Variants in MGAT5B observed in about 807,000 individuals in gnomAD.
The protein encoded by MGAT5B is alpha-1,6-mannosylglycoprotein 6-beta-N-acetylglucosaminyltransferase B.
In MGAT5B, 54 loss-of-function variants were observed where a neutral mutation model predicts 95.1. That is an observed-to-expected ratio of 0.57 (90% CI 0.46 to 0.71). The LOEUF is 0.71. MGAT5B is among the 30% of genes least tolerant of loss of function. The pLI is 0.00. For missense variants in MGAT5B, 935 were observed against 1,088.6 expected (o/e 0.86, Z 1.99); for synonymous variants, 464 against 451.0 (o/e 1.03, Z -0.36).
At position 76,880,355 on chromosome 17, in the gene MGAT5B, C is replaced by T. The variant is rs532081204; in HGVS notation, c.182-1796C>T. Among the ~76,000 whole-genome samples, 13 of 152,300 alleles carry T rather than the reference C, an allele frequency of 8.5e-5. No individual in the cohort carries two copies. The East Asian group carries it at 1.4e-3, about 16-fold the overall frequency. The stretch of plus-strand genomic sequence containing the variant: ...CTGTGGCCTCCCTTCTGACCTCAGG[C>T]GGGTTCACCTGGCAGGGGAGCCCAG... On this transcript the variant is annotated intron_variant, in intron 2 of 17. Coordinates refer to ENST00000569840, the MANE Select transcript of MGAT5B (RefSeq NM_001199172.2).
At chr17:76,885,198 C>T (rs1967578458) in intron 3 of MGAT5B, among the ~76,000 whole-genome samples, 1 of 152,172 alleles carries the variant, frequency 6.6e-6, no homozygotes, top group African/African-American at 2.4e-5. Context: ...AGGCCGTTTT[C>T]CTCTCTGTGT....
At position 76,905,083 on chromosome 17, in the gene MGAT5B, G is replaced by A; in HGVS notation, c.691-86G>A. ...TGGAGCAGGCCCCAGCCTCATGGGAGGGTGCCAGCCCCTGTCCCCAGGCCA... is the reference window on the plus strand; with the variant it reads ...TGGAGCAGGCCCCAGCCTCATGGGAAGGTGCCAGCCCCTGTCCCCAGGCCA... On this transcript the variant is annotated intron_variant, in intron 6 of 17. Coordinates refer to ENST00000569840, the MANE Select transcript of MGAT5B (RefSeq NM_001199172.2). The surrounding 1 kb of genome is among the most constrained non-coding windows in gnomAD (Gnocchi z 4.2). The A allele has an allele frequency of 7.1e-7, 1 of 1,404,326 alleles. No homozygotes were observed. The highest frequency in any genetic ancestry group is 9.6e-7 in the Non-Finnish European group (1 of 1,044,868). The allele number at this position is 1,404,326 out of a possible 1,614,324, so 87.0% of individuals were successfully genotyped here.
At chr17:76,875,630 G>T (rs957187578) in intron 2 of MGAT5B, among the ~76,000 whole-genome samples, 1 of 126,430 alleles carries the variant, frequency 7.9e-6, no homozygotes, top group Admixed American at 8.7e-5. Context: ...TCACTATCTT[G>T]TATGCGGTTG....
At chr17:76,884,820 T>C (rs1450020371) in intron 3 of MGAT5B, among the ~76,000 whole-genome samples, 2 of 152,150 alleles carry the variant, frequency 1.3e-5, no homozygotes, top group East Asian at 3.9e-4. Context: ...GCCAGGATGG[T>C]CTTGATCTCT....
chr17:76,894,999 G>A (rs1347119956), intron 3 of MGAT5B, among the ~76,000 whole-genome samples: 1 of 152,186 alleles, frequency 6.6e-6, no homozygotes, highest in African/African-American at 2.4e-5. Flanking sequence ...TCCATGGTCT[G>A]TTAGGAACCT....
intron 15 of MGAT5B, among the ~76,000 whole-genome samples, chr17:76,942,771 G>A (rs184597077): frequency 1.0e-3 from 159 of 152,264 alleles, no homozygotes; most frequent in African/African-American, 3.6e-3. Context: ...GCAACAAGGC[G>A]TACAGGTAGG....
chr17:76,946,015 A>C (rs1970015237), intron 15 of MGAT5B, among the ~76,000 whole-genome samples: 1 of 142,060 alleles, frequency 7.0e-6, no homozygotes, highest in Non-Finnish European at 1.5e-5. Context: ...AGCTCCCTGG[A>C]GCAGGTGATG....
intron 3 of MGAT5B, among the ~76,000 whole-genome samples, chr17:76,898,471 GGC>G (rs879360357): frequency 0.13 from 19,363 of 151,588 alleles, 1,606 homozygotes; most frequent in African/African-American, 0.2. Flanking sequence ...TGGGATTACA[GGC>G]GCGCACCACC....
Position 76,948,773 on chromosome 17 carries a change from C to T in MGAT5B, c.2314C>T (p.Arg772Cys), listed in dbSNP as rs1182130336. 6 of 1,609,738 alleles carry T rather than the reference C, an allele frequency of 3.7e-6. No individual in the cohort carries two copies. The highest frequency in any genetic ancestry group is 2.2e-5 in the East Asian group (1 of 44,712). Residue 772 changes from arginine to cysteine, a missense_variant, in exon 18 of 18, where the codon CGC becomes TGC. This residue lies in a region of MGAT5B where 440 missense variants were observed against 523.6 expected (regional missense o/e 0.84). Transcript: ENST00000569840. ...CTGCGCCGGCTCCAACACCAAGTAC[C>T]GCCGGCTCTGCCCCTGCCGCGACTT... ...FSCAGSNTKYRRLCPCRDFRK... is the reference protein window; with the variant it reads ...FSCAGSNTKYCRLCPCRDFRK...
At chr17:76,871,383 G>A (rs1218207666) in intron 1 of MGAT5B, among the ~76,000 whole-genome samples, 2 of 152,174 alleles carry the variant, frequency 1.3e-5, no homozygotes, top group African/African-American at 4.8e-5. Context: ...CTTGCCTACT[G>A]AATCATGTCT....
Position 76,915,135 on chromosome 17 carries a change from G to C in MGAT5B, c.1025+8948G>C, listed in dbSNP as rs142739948. On this transcript the variant is annotated intron_variant, in intron 8 of 17. Coordinates refer to ENST00000569840, the MANE Select transcript of MGAT5B (RefSeq NM_001199172.2). This position sits in a 1 kb window ranked among gnomAD's most constrained non-coding sequence, Gnocchi z 8.7. ...AAAGGTGTGCTTGTTTATTTTTCGA[G>C]ATAAGAGAGTGCACTCATGTTTAAA... Among the ~76,000 whole-genome samples, 2,090 of 152,300 alleles carry C rather than the reference G, an allele frequency of 0.014. 30 individuals are homozygous for C. The highest frequency in any genetic ancestry group is 0.024 in the Middle Eastern group (7 of 294).
intron 2 of MGAT5B, among the ~76,000 whole-genome samples, chr17:76,877,572 G>A (rs1418351543): frequency 1.3e-5 from 2 of 152,170 alleles, no homozygotes; most frequent in South Asian, 2.1e-4. Context: ...GGGGGACCGG[G>A]GCCCGGAGGT....
chr17:76,925,006 A>G lies in MGAT5B; in HGVS notation c.1066A>G (p.Thr356Ala). ...VPPGRGSCPL[T>A]MPLPFDLIYT... is the part of the protein sequence containing the mutation. ...GCCAGGCCGGGGAAGCTGCCCGCTCACCATGCCCCTGCCCTTCGACCTCAT... is the reference window on the plus strand; with the variant it reads ...GCCAGGCCGGGGAAGCTGCCCGCTCGCCATGCCCCTGCCCTTCGACCTCAT... Residue 356 changes from threonine to alanine, a missense_variant, in exon 9 of 18, where the codon ACC becomes GCC. By Grantham distance (58) the Thr-to-Ala change is moderately conservative (BLOSUM62 0). This residue lies in a region of MGAT5B where 243 missense variants were observed against 305.5 expected (regional missense o/e 0.80). Transcript: ENST00000569840. 1 of 1,597,746 alleles carries G rather than the reference A, an allele frequency of 6.3e-7. No homozygotes were observed. Among genetic ancestry groups the G allele is most frequent in the Non-Finnish European group, 8.5e-7 (1 of 1,172,420 alleles).
At chr17:76,897,837 CG>C (rs1968152807) in intron 3 of MGAT5B, among the ~76,000 whole-genome samples, 1 of 150,216 alleles carries the variant, frequency 6.7e-6, no homozygotes, top group African/African-American at 2.4e-5. Flanking sequence ...GGGTGGATCA[CG>C]TGAGGTCAGG....
At chr17:76,903,700 A>T (rs959061697) in intron 5 of MGAT5B, among the ~76,000 whole-genome samples, 10 of 151,958 alleles carry the variant, frequency 6.6e-5, no homozygotes, top group African/African-American at 2.4e-4. Flanking sequence ...TTCCTGCCCC[A>T]TTTCTGGGGC....
chr17:76,946,352 T>C, intron 15 of MGAT5B, 24 bp from the exon 16 acceptor site: 1 of 1,595,988 alleles, frequency 6.3e-7, no homozygotes, highest in Non-Finnish European at 8.6e-7. Flanking sequence ...TCCCGCCCCA[T>C]GTGTCTGCCC....
chr17:76,869,225 A>C lies in MGAT5B; in HGVS notation c.68+128A>C. 5.1e-6 allele frequency: 4 copies of C among 781,036 alleles called. No homozygotes were observed. The highest frequency in any genetic ancestry group is 2.7e-5 in the East Asian group (1 of 36,946). The allele number at this position is 781,036 out of a possible 1,614,324, so 48.4% of individuals were successfully genotyped here. A position where few individuals can be genotyped will look rare whatever the true frequency, so the allele number is the denominator to read the frequency against. On this transcript the variant is annotated intron_variant, in intron 1 of 17. Transcript: ENST00000569840. The surrounding 1 kb of genome is among the most constrained non-coding windows in gnomAD (Gnocchi z 7.0). The stretch of plus-strand genomic sequence containing the variant: ...GTTCACACTTCAACCCCTGGTGATG[A>C]CCAGTGGGGCTGGGCTGGGGGAACG...
chr17:76,913,879 G>A (rs145113406), intron 8 of MGAT5B: 97 of 434,238 alleles, frequency 2.2e-4, no homozygotes, highest in African/African-American at 1.6e-3. Context: ...GGGAGGTCAC[G>A]GCGGGAGGAT....
At chr17:76,924,864 T>C in intron 8 of MGAT5B, 102 bp from the exon 9 acceptor site, 2 of 1,412,928 alleles carry the variant, frequency 1.4e-6, no homozygotes, top group Non-Finnish European at 2.0e-6. Flanking sequence ...TGTGCTAAGC[T>C]CTCTGCACTT....
Sources: allele counts gnomAD v4.1 joint callset (sites outside exome capture counted in the v4.1 genomes callset), GRCh38; gene constraint gnomAD v4.1.1; regional missense constraint gnomAD v4.1.1; non-coding constraint Gnocchi (gnomAD v3.1); transcripts MANE v1.5; gene names NCBI Gene and HGNC (gene_info 2026-07-23, HGNC 2026-07-21).